The following PCDHGA2 variants were observed in gnomAD, a reference collection of about 807,000 sequenced individuals.
The protein encoded by PCDHGA2 is protocadherin gamma-A2.
A neutral mutation model predicts 59.2 loss-of-function variants in PCDHGA2; 40 were observed. The observed-to-expected ratio is 0.68, with a 90% CI of 0.52 to 0.88. PCDHGA2 has a LOEUF of 0.88. Among genes scored for constraint, PCDHGA2 ranks in the 40% least tolerant of loss-of-function variants. The probability of loss-of-function intolerance (pLI) is 0.00; values close to 1 mark genes in which losing one functional copy is unlikely to be tolerated. For synonymous variants in PCDHGA2, 560 were observed against 526.0 expected (o/e 1.06, Z -0.89); for missense variants, 1,226 against 1,204.0 (o/e 1.02, Z -0.27).
At chr5:141,344,427 A>G (rs1193913863) in intron 1 of PCDHGA2, 2 of 1,613,058 alleles carry the variant, frequency 1.2e-6, no homozygotes, top group Non-Finnish European at 1.7e-6. Flanking sequence ...TAATGCTCCT[A>G]ATTTCCCAAC....
chr5:141,422,172 C>A, intron 1 of PCDHGA2: 2 of 1,564,780 alleles, frequency 1.3e-6, no homozygotes, highest in Non-Finnish European at 1.7e-6. Context: ...AATATAGATT[C>A]TATGAGATGG....
intron 1 of PCDHGA2, chr5:141,420,309 A>G (rs1263620304): frequency 2.7e-6 from 4 of 1,460,536 alleles, no homozygotes; most frequent in Non-Finnish European, 3.7e-6. Context: ...TCCTTTTTAT[A>G]TTACAATATG....
chr5:141,421,082 C>A, intron 1 of PCDHGA2: 1 of 640,114 alleles, frequency 1.6e-6, no homozygotes, highest in Non-Finnish European at 2.6e-6. Flanking sequence ...TGGATACTCA[C>A]AGATCCTGAC....
intron 1 of PCDHGA2, among the ~76,000 whole-genome samples, chr5:141,484,454 G>A (rs932663778): frequency 6.6e-6 from 1 of 152,212 alleles, no homozygotes; most frequent in African/African-American, 2.4e-5. Context: ...AATTGGCTAC[G>A]TTAATGTGTA....
chr5:141,351,717 C>G (rs1561501095), intron 1 of PCDHGA2: 5 of 1,613,854 alleles, frequency 3.1e-6, no homozygotes, highest in Non-Finnish European at 4.2e-6. Context: ...GTCTCCTACT[C>G]TATTCTGGCC....
chr5:141,487,622 C>T lies in PCDHGA2; in HGVS notation c.2425-7185C>T. Reference sequence around the variant, plus strand: ...TCTTCTCTATGGGCTAGAGGTGAGACCTTTGCAGGCTCAACAAATGCTTGA... The same window carrying T: ...TCTTCTCTATGGGCTAGAGGTGAGATCTTTGCAGGCTCAACAAATGCTTGA... On this transcript the variant is annotated intron_variant, in intron 1 of 3. Coordinates refer to ENST00000394576, the MANE Select transcript of PCDHGA2 (RefSeq NM_018915.4). This position sits in a 1 kb window ranked among gnomAD's most constrained non-coding sequence, Gnocchi z 5.0. 1.2e-6 allele frequency: 2 copies of T among 1,614,174 alleles called. No homozygotes were observed. Among genetic ancestry groups the T allele is most frequent in the South Asian group, 1.1e-5 (1 of 91,084 alleles).
At chr5:141,456,051 C>T (rs1592410743) in intron 1 of PCDHGA2, among the ~76,000 whole-genome samples, 1 of 151,998 alleles carries the variant, frequency 6.6e-6, no homozygotes, top group Non-Finnish European at 1.5e-5. Context: ...GCGCCCACCA[C>T]CACGTCCGGC....
chr5:141,479,003 C>T (rs2099485569), intron 1 of PCDHGA2, among the ~76,000 whole-genome samples: 1 of 152,176 alleles, frequency 6.6e-6, no homozygotes, highest in South Asian at 2.1e-4. Context: ...AAACTAATAG[C>T]TTTTTGATAA....
At chr5:141,507,474 C>T (rs774159694) in intron 3 of PCDHGA2, among the ~76,000 whole-genome samples, 2 of 152,196 alleles carry the variant, frequency 1.3e-5, no homozygotes, top group Non-Finnish European at 2.9e-5. Flanking sequence ...GCAGGGACTG[C>T]TGGCCTCCTG....
In PCDHGA2 at chr5:141,493,145, AG is replaced by A. The variant is rs11350413; in HGVS notation, c.2425-1660del. Among the ~76,000 whole-genome samples the A allele has an allele frequency of 0.17, 26,475 of 152,128 alleles. 2,528 individuals carry two copies. The highest frequency in any genetic ancestry group is 0.28 in the Admixed American group (4,206 of 15,272). ...TAGGACTGTATTTTGAAACACCCCC[AG>A]GTGATTTTGATAGCTGATTGAGAGA... is the stretch of plus-strand genomic sequence containing the variant. On this transcript the variant is annotated intron_variant, in intron 1 of 3. Transcript: ENST00000394576. The surrounding 1 kb of genome is among the most constrained non-coding windows in gnomAD (Gnocchi z 4.3).
intron 1 of PCDHGA2, among the ~76,000 whole-genome samples, chr5:141,445,609 T>A (rs900534761): frequency 1.3e-5 from 2 of 152,220 alleles, no homozygotes; most frequent in African/African-American, 4.8e-5. Flanking sequence ...CAAGGAAGGC[T>A]TTCTTTTTTT....
rs1011341002 is a variant in PCDHGA2, at chr5:141,476,141, G to T, written c.2425-18666G>T. 1 of 1,610,048 alleles carries T rather than the reference G, an allele frequency of 6.2e-7. No individual in the cohort carries two copies. The highest frequency in any genetic ancestry group is 2.2e-5 in the East Asian group (1 of 44,844). On this transcript the variant is annotated intron_variant, in intron 1 of 3. Coordinates refer to ENST00000394576, the MANE Select transcript of PCDHGA2 (RefSeq NM_018915.4). The surrounding 1 kb of genome is among the most constrained non-coding windows in gnomAD (Gnocchi z 7.6). ...GATGGTCCCAGAGGCCTGGAGGAGC[G>T]GACTGGTAAGCACCGGGAGGGTAGT...
At chr5:141,494,972 C>G in intron 2 of PCDHGA2, 107 bp downstream of exon 2, 1 of 1,581,852 alleles carries the variant, frequency 6.3e-7, no homozygotes, top group Non-Finnish European at 8.6e-7. Context: ...TGGCTTCTCC[C>G]TCAGTTTGAG....
chr5:141,389,504 C>A (rs564944158), intron 1 of PCDHGA2: 1 of 1,613,088 alleles, frequency 6.2e-7, no homozygotes, highest in African/African-American at 1.3e-5. Flanking sequence ...CGCCAGCGCT[C>A]AGCGCGAACG....
intron 1 of PCDHGA2, chr5:141,422,940 C>T (rs769630623): frequency 2.0e-5 from 32 of 1,614,124 alleles, no homozygotes; most frequent in Admixed American, 5.0e-5. Flanking sequence ...TCCCCACAGA[C>T]GGCTCCACTG....
At chr5:141,484,120 C>A (rs1158603108) in intron 1 of PCDHGA2, among the ~76,000 whole-genome samples, 1 of 152,146 alleles carries the variant, frequency 6.6e-6, no homozygotes, top group African/African-American at 2.4e-5. Flanking sequence ...ATCAAGAATA[C>A]CTTGGTGTCA....
At position 141,486,873 on chromosome 5, in the gene PCDHGA2, G is replaced by A. The variant is rs769661146; in HGVS notation, c.2425-7934G>A. On this transcript the variant is annotated intron_variant, in intron 1 of 3. Transcript: ENST00000394576. This position sits in a 1 kb window ranked among gnomAD's most constrained non-coding sequence, Gnocchi z 5.0. ...AATGACAATGCTCCAGCTGTGCTCCGTCCTCGGGCCCGGCCTGGTTCCTTA... is the reference window on the plus strand; with the variant it reads ...AATGACAATGCTCCAGCTGTGCTCCATCCTCGGGCCCGGCCTGGTTCCTTA... 1.6e-5 allele frequency: 26 copies of A among 1,614,082 alleles called. No individual in the cohort carries two copies. Among genetic ancestry groups the A allele is most frequent in the African/African-American group, 4.0e-5 (3 of 74,922 alleles).
intron 1 of PCDHGA2, chr5:141,351,905 G>A: frequency 3.7e-6 from 6 of 1,613,410 alleles, no homozygotes; most frequent in South Asian, 1.1e-5. Flanking sequence ...CGTGTTGGTG[G>A]GCGACCTCAA....
rs771298166 is a variant in PCDHGA2 at position 141,345,041 on chromosome 5, G to C, written c.2424+3646G>C. On this transcript the variant is annotated intron_variant, in intron 1 of 3. Transcript: ENST00000394576. ...TTTCAAGAGCCAAGATTCTAGTCAC[G>C]GTTCTGGATGTGAATGACAATGCTC... 5.0e-6 allele frequency: 8 copies of C among 1,613,824 alleles called. No homozygotes were observed. The African/African-American group carries it at 5.3e-5, about 11-fold the overall frequency.
Sources: gnomAD v4.1 joint callset for allele counts (sites outside exome capture counted in the v4.1 genomes callset) on GRCh38, gnomAD v4.1.1 for gene constraint, Gnocchi (gnomAD v3.1) non-coding constraint, MANE v1.5 for transcripts, NCBI Gene and HGNC (gene_info 2026-07-23, HGNC 2026-07-21) for gene names.